Variants in ZBBX observed in about 807,000 individuals in gnomAD.
ZBBX encodes the protein zinc finger B-box domain-containing protein 1.
In ZBBX, 101 loss-of-function variants were observed where a neutral mutation model predicts 108.5. That is an observed-to-expected ratio of 0.93 (90% CI 0.79 to 1.10). The LOEUF (loss-of-function observed/expected upper bound fraction) is 1.10. Ranked by LOEUF, ZBBX falls within the 50% of genes least tolerant of loss-of-function variation. ZBBX has a pLI of 0.00. For synonymous variants in ZBBX, 356 were observed against 323.4 expected (o/e 1.10, Z -1.08); for missense variants, 1,009 against 941.4 (o/e 1.07, Z -0.94).
intron 1 of ZBBX, among the ~76,000 whole-genome samples, chr3:167,396,690 G>A (rs1748245041): frequency 1.3e-5 from 2 of 152,082 alleles, no homozygotes; most frequent in South Asian, 4.2e-4. Context: ...TAGACTTGAT[G>A]ATAATGACAC....
intron 5 of ZBBX, among the ~76,000 whole-genome samples, chr3:167,367,512 A>G (rs1029752850): frequency 6.6e-6 from 1 of 151,696 alleles, no homozygotes; most frequent in Non-Finnish European, 1.5e-5. Context: ...TTCTGATGTG[A>G]TAGGAGCATT....
chr3:167,268,957 A>G (rs575291841), intron 20 of ZBBX, among the ~76,000 whole-genome samples: 1 of 152,274 alleles, frequency 6.6e-6, no homozygotes, highest in South Asian at 2.1e-4. Context: ...CCCTCTAAAG[A>G]GTATGGGGGA....
intron 2 of ZBBX, among the ~76,000 whole-genome samples, chr3:167,374,178 A>T (rs1368584184): frequency 6.6e-6 from 1 of 152,164 alleles, no homozygotes; most frequent in Non-Finnish European, 1.5e-5. Context: ...AAATTAAGGT[A>T]TGTAATAATT....
Position 167,372,906 on chromosome 3 carries a change from A to G in ZBBX, c.-5T>C. On this transcript the variant is annotated 5_prime_UTR_variant, in exon 4 of 22. Transcript: ENST00000675490. ...TACAAAATCTTTTCTGTTCATGATT[A>G]CCACCTTAATATTGTCTAAAAGTTA... 6.3e-7 allele frequency: 1 copy of G among 1,592,262 alleles called. No individual in the cohort carries two copies. Among genetic ancestry groups the G allele is most frequent in the Non-Finnish European group, 8.5e-7 (1 of 1,171,264 alleles).
At chr3:167,328,664 T>G (rs1737848257) in intron 10 of ZBBX, among the ~76,000 whole-genome samples, 1 of 152,126 alleles carries the variant, frequency 6.6e-6, no homozygotes, top group Non-Finnish European at 1.5e-5. Flanking sequence ...CCAGCTAGTC[T>G]CACATTCTTG....
Position 167,372,815 on chromosome 3 carries a change from T to C in ZBBX, c.68+19A>G. The C allele has an allele frequency of 7.9e-7, 1 of 1,267,514 alleles. No homozygotes were observed. Among genetic ancestry groups the C allele is most frequent in the Non-Finnish European group, 1.1e-6 (1 of 890,270 alleles). 78.5% of individuals were successfully genotyped at this position (1,267,514 alleles called of 1,614,324 possible). A position where few individuals can be genotyped will look rare whatever the true frequency, so the allele number is the denominator to read the frequency against. On this transcript the variant is annotated intron_variant, in intron 4 of 21. Transcript: ENST00000675490. ...CTTTGCAACTATTCCTATTAAGAAATAAATATATATGAACTCACCTATATT... is the reference window on the plus strand; with the variant it reads ...CTTTGCAACTATTCCTATTAAGAAACAAATATATATGAACTCACCTATATT...
chr3:167,280,516 C>A (rs1428205334), intron 20 of ZBBX, among the ~76,000 whole-genome samples: 3 of 150,708 alleles, frequency 2.0e-5, no homozygotes, highest in Admixed American at 6.6e-5. Flanking sequence ...CTCACCATCA[C>A]TGGCCATCAG....
the ZBBX span, among the ~76,000 whole-genome samples, chr3:167,187,647 T>C: frequency 7.2e-5 from 11 of 152,224 alleles, no homozygotes; most frequent in Admixed American, 1.3e-4. Flanking sequence ...CTGTAAGTCA[T>C]GCAACATTCG....
At chr3:167,233,889 G>T in the ZBBX span, among the ~76,000 whole-genome samples, 1 of 151,694 alleles carries the variant, frequency 6.6e-6, no homozygotes, top group Middle Eastern at 3.2e-3. Context: ...GCCTGAGAAG[G>T]GGGCCCAGAG....
chr3:167,260,990 T>G (rs754685681), intron 20 of ZBBX, among the ~76,000 whole-genome samples: 1 of 152,212 alleles, frequency 6.6e-6, no homozygotes, highest in Non-Finnish European at 1.5e-5. Context: ...GGCTAAAGCC[T>G]GTTGTTCAGA....
At chr3:167,257,981 C>G (rs1273332731) in intron 20 of ZBBX, among the ~76,000 whole-genome samples, 4 of 152,092 alleles carry the variant, frequency 2.6e-5, no homozygotes, top group Non-Finnish European at 4.4e-5. Flanking sequence ...GTTCCTTCTG[C>G]TGAGCAAAAA....
intron 1 of ZBBX, among the ~76,000 whole-genome samples, chr3:167,400,448 G>A (rs1363005434): frequency 2.6e-5 from 4 of 152,086 alleles, no homozygotes; most frequent in Non-Finnish European, 1.5e-5. Flanking sequence ...ACATTTCGCT[G>A]ATGACTGGTG....
chr3:167,188,369 C>G, the ZBBX span, among the ~76,000 whole-genome samples: 1 of 151,618 alleles, frequency 6.6e-6, no homozygotes, highest in African/African-American at 2.4e-5. Context: ...GACACTTAGA[C>G]AGATTGTGTA....
the ZBBX span, among the ~76,000 whole-genome samples, chr3:167,205,999 A>T: frequency 6.6e-6 from 1 of 152,136 alleles, no homozygotes; most frequent in Admixed American, 6.6e-5. Flanking sequence ...GTGTTTGTTA[A>T]GAACACCTAA....
chr3:167,289,816 A>G (rs1177882109), intron 18 of ZBBX, among the ~76,000 whole-genome samples: 1 of 152,196 alleles, frequency 6.6e-6, no homozygotes, highest in African/African-American at 2.4e-5. Context: ...CATGGAGTCC[A>G]GCAAGCTAAG....
chr3:167,341,081 T>C (rs1740456342), intron 9 of ZBBX, among the ~76,000 whole-genome samples: 1 of 151,942 alleles, frequency 6.6e-6, no homozygotes. Context: ...TATTCCAACA[T>C]CATGTAAGTA....
intron 20 of ZBBX, among the ~76,000 whole-genome samples, chr3:167,276,452 A>G (rs1727593876): frequency 6.6e-6 from 1 of 152,238 alleles, no homozygotes; most frequent in South Asian, 2.1e-4. Context: ...AGAATGCAGA[A>G]GCCTCAGGAG....
chr3:167,252,079 G>C (rs1722721215), intron 20 of ZBBX: 1 of 1,184,220 alleles, frequency 8.4e-7, no homozygotes, highest in Admixed American at 2.4e-5. Flanking sequence ...TAGAATGGCA[G>C]TCTGATATCA....
chr3:167,397,817 A>G (rs959040265), intron 1 of ZBBX, among the ~76,000 whole-genome samples: 1 of 151,390 alleles, frequency 6.6e-6, no homozygotes, highest in African/African-American at 2.4e-5. Context: ...AAAAAAAAAA[A>G]CTCATATGAT....
Sources: gnomAD v4.1 joint callset for allele counts (sites outside exome capture counted in the v4.1 genomes callset) on GRCh38, gnomAD v4.1.1 for gene constraint, MANE v1.5 for transcripts, NCBI Gene and HGNC (gene_info 2026-07-23, HGNC 2026-07-21) for gene names.